AGBL4: variants seen among roughly 807,000 people sequenced by gnomAD.
The protein encoded by AGBL4 is cytosolic carboxypeptidase 6.
Under a neutral mutation model 66.4 loss-of-function variants are expected in AGBL4, and 58 were observed. That is an observed-to-expected ratio of 0.87 (90% CI 0.71 to 1.09). AGBL4 has a LOEUF of 1.09. Ranked by LOEUF, AGBL4 falls within the 50% of genes least tolerant of loss-of-function variation. The probability of loss-of-function intolerance (pLI) is 0.00; values close to 1 mark genes in which losing one functional copy is unlikely to be tolerated. For synonymous variants in AGBL4, 234 were observed against 222.9 expected, an observed-to-expected ratio of 1.05 and a Z score of -0.44; for missense variants, 579 against 631.0, an observed-to-expected ratio of 0.92 and a Z score of 0.88.
At chr1:48,607,116 C>T (rs1377675448) in intron 9 of AGBL4, among the ~76,000 whole-genome samples, 1 of 152,156 alleles carries the variant, frequency 6.6e-6, no homozygotes, top group African/African-American at 2.4e-5. Context: ...TAATCTTTTT[C>T]ATACCATAAT....
At chr1:48,765,593 C>A (rs534989947) in intron 6 of AGBL4, among the ~76,000 whole-genome samples, 2 of 152,146 alleles carry the variant, frequency 1.3e-5, no homozygotes, top group South Asian at 4.1e-4. Flanking sequence ...AAAACATATA[C>A]CCAAACAAAA....
chr1:49,028,096 T>C (rs886733189), intron 5 of AGBL4, among the ~76,000 whole-genome samples: 3 of 152,128 alleles, frequency 2.0e-5, no homozygotes, highest in Non-Finnish European at 4.4e-5. Flanking sequence ...AAGGGTAATG[T>C]CAAAAACAAC....
At chr1:49,162,960 C>T (rs907134798) in intron 4 of AGBL4, among the ~76,000 whole-genome samples, 1 of 152,170 alleles carries the variant, frequency 6.6e-6, no homozygotes, top group Non-Finnish European at 1.5e-5. Context: ...TGAAACTCCT[C>T]CTTCTATCCA....
intron 1 of AGBL4, among the ~76,000 whole-genome samples, chr1:49,948,195 T>C (rs1365271256): frequency 2.1e-5 from 2 of 96,656 alleles, no homozygotes; most frequent in Admixed American, 1.7e-4. Context: ...TATAAATATA[T>C]ATAAATATAA....
At chr1:49,031,309 C>T (rs1356429848) in intron 5 of AGBL4, among the ~76,000 whole-genome samples, 4 of 151,466 alleles carry the variant, frequency 2.6e-5, no homozygotes, top group Non-Finnish European at 5.9e-5. Context: ...GTTCTCACCA[C>T]CAAGAAGGGT....
At chr1:49,199,638 A>C (rs1647528948) in intron 4 of AGBL4, among the ~76,000 whole-genome samples, 1 of 152,128 alleles carries the variant, frequency 6.6e-6, no homozygotes, top group Non-Finnish European at 1.5e-5. Flanking sequence ...ATTCTCTTGA[A>C]ACAGTCAAAA....
intron 3 of AGBL4, among the ~76,000 whole-genome samples, chr1:49,411,579 G>A (rs1211108061): frequency 6.6e-6 from 1 of 152,120 alleles, no homozygotes; most frequent in Non-Finnish European, 1.5e-5. Context: ...AAAAGCAGAA[G>A]TAAAAGAATA....
At chr1:49,122,338 C>T (rs1451504139) in intron 4 of AGBL4, among the ~76,000 whole-genome samples, 1 of 152,184 alleles carries the variant, frequency 6.6e-6, no homozygotes, top group East Asian at 1.9e-4. Context: ...ATTTGTCCAT[C>T]TTGGAACAGA....
chr1:49,401,189 C>A (rs1255329549), intron 3 of AGBL4, among the ~76,000 whole-genome samples: 2 of 152,142 alleles, frequency 1.3e-5, no homozygotes, highest in African/African-American at 2.4e-5. Context: ...GCAGGAGGCA[C>A]CTCTTCACAG....
At chr1:49,622,128 T>C (rs1375201214) in intron 3 of AGBL4, among the ~76,000 whole-genome samples, 1 of 152,206 alleles carries the variant, frequency 6.6e-6, no homozygotes, top group Non-Finnish European at 1.5e-5. Flanking sequence ...AGTCATATTG[T>C]TATTCTGGTA....
At chr1:49,133,991 T>A in intron 4 of AGBL4, among the ~76,000 whole-genome samples, 1 of 152,070 alleles carries the variant, frequency 6.6e-6, no homozygotes, top group Admixed American at 6.6e-5. Context: ...TCTTTTCTAT[T>A]TTCCCTAAGT....
At chr1:49,301,384 T>C (rs967852300) in intron 3 of AGBL4, among the ~76,000 whole-genome samples, 1 of 152,236 alleles carries the variant, frequency 6.6e-6, no homozygotes, top group African/African-American at 2.4e-5. Flanking sequence ...TGCTAATCAC[T>C]ATGTGTGGGC....
At chr1:49,294,638 T>C (rs1644604968) in intron 3 of AGBL4, among the ~76,000 whole-genome samples, 1 of 152,184 alleles carries the variant, frequency 6.6e-6, no homozygotes, top group Non-Finnish European at 1.5e-5. Context: ...TCCAACCTCA[T>C]GTAGCCCAGC....
chr1:49,552,305 G>C (rs1008479332), intron 3 of AGBL4, among the ~76,000 whole-genome samples: 1 of 152,180 alleles, frequency 6.6e-6, no homozygotes, highest in African/African-American at 2.4e-5. Context: ...CCCTCCCCCA[G>C]GTTCTGGCCG....
chr1:49,453,362 A>G (rs2148685537), intron 3 of AGBL4, among the ~76,000 whole-genome samples: 1 of 151,928 alleles, frequency 6.6e-6, no homozygotes, highest in Middle Eastern at 3.4e-3. Flanking sequence ...CAGCAGATGT[A>G]CCCCAGATTT....
chr1:49,451,130 G>C (rs1646269978), intron 3 of AGBL4, among the ~76,000 whole-genome samples: 1 of 151,900 alleles, frequency 6.6e-6, no homozygotes, highest in African/African-American at 2.4e-5. Context: ...CTTACTGTTT[G>C]CCAGATATTT....
chr1:48,614,816 G>A (rs570291411), intron 9 of AGBL4, among the ~76,000 whole-genome samples: 1 of 152,320 alleles, frequency 6.6e-6, no homozygotes, highest in South Asian at 2.1e-4. Flanking sequence ...GGTAAAGAAG[G>A]AGAGAAGAAA....
intron 11 of AGBL4, among the ~76,000 whole-genome samples, chr1:48,564,082 A>G (rs1454446317): frequency 1.3e-5 from 2 of 152,060 alleles, no homozygotes; most frequent in Non-Finnish European, 2.9e-5. Context: ...TGGATCTCCT[A>G]CTGATTCCAC....
At chr1:49,553,760 T>C (rs192380725) in intron 3 of AGBL4, among the ~76,000 whole-genome samples, 1 of 152,322 alleles carries the variant, frequency 6.6e-6, no homozygotes, top group East Asian at 1.9e-4. Context: ...GTATTGTATG[T>C]ATAATTATTT....
Sources: allele counts gnomAD v4.1 joint callset (sites outside exome capture counted in the v4.1 genomes callset), GRCh38; gene constraint gnomAD v4.1.1; transcripts MANE v1.5; gene names NCBI Gene and HGNC (gene_info 2026-07-23, HGNC 2026-07-21).